Variants in NRG3 observed in about 807,000 individuals in gnomAD.
NRG3 encodes neuregulin 3.
A neutral mutation model predicts 66.9 loss-of-function variants in NRG3; 31 were observed. That is an observed-to-expected ratio of 0.46 (90% CI 0.35 to 0.63). The LOEUF (loss-of-function observed/expected upper bound fraction) is 0.63. Ranked by LOEUF, NRG3 falls within the 20% of genes least tolerant of loss-of-function variation. The pLI is 0.00. For synonymous variants in NRG3, 393 were observed against 359.4 expected (o/e 1.09, Z -1.06); for missense variants, 910 against 878.9 (o/e 1.04, Z -0.45).
chr10:82,297,516 C>G (rs1414762), intron 1 of NRG3, among the ~76,000 whole-genome samples: 38,858 of 151,920 alleles, frequency 0.26, 5,162 homozygotes, highest in Admixed American at 0.29. Context: ...ACTGGTTTCT[C>G]TGCTTAGTAG....
chr10:82,985,626 G>A lies in NRG3; in HGVS notation c.*21G>A, dbSNP rs1853379483. 6.3e-7 allele frequency: 1 copy of A among 1,589,786 alleles called. No individual in the cohort carries two copies. The highest frequency in any genetic ancestry group is 2.2e-5 in the East Asian group (1 of 44,698). On this transcript the variant is annotated 3_prime_UTR_variant, in exon 9 of 9. Coordinates refer to ENST00000372141, the MANE Select transcript of NRG3 (RefSeq NM_001010848.4). ...AGTGACTTGAGATGTAGGAATCTGT[G>A]CATTCTATGCTTTGCTCAACAGGAA...
intron 2 of NRG3, among the ~76,000 whole-genome samples, chr10:82,408,087 GAAAGAAAGAA>G (rs1207390809): frequency 1.0e-3 from 62 of 61,180 alleles, no homozygotes; most frequent in East Asian, 2.8e-3. Context: ...GAGAGAGACA[GAAAGAAAGAA>G]AGAAAGAAAG....
At chr10:82,392,898 A>ATTTTT (rs59861426) in intron 2 of NRG3, among the ~76,000 whole-genome samples, 118 of 150,212 alleles carry the variant, frequency 7.9e-4, no homozygotes, top group African/African-American at 2.4e-3. Context: ...ATATATATAT[A>ATTTTT]TTTTTTGCAG....
At chr10:81,903,028 G>A (rs984598784) in intron 1 of NRG3, among the ~76,000 whole-genome samples, 1 of 152,048 alleles carries the variant, frequency 6.6e-6, no homozygotes, top group Admixed American at 6.6e-5. Flanking sequence ...TGAAGTGAAC[G>A]ATAATTAAGT....
In NRG3 at chr10:82,869,616, ATTTTATTTTG is replaced by A. The variant is rs1453265826; in HGVS notation, c.1054+4180_1054+4189del. ...ATTTTATTTTATTTTATTTTATTTTATTTTATTTTGAGACAGAGTTTCGCTCTGTCACCCA... is the reference window on the plus strand; with the variant it reads ...ATTTTATTTTATTTTATTTTATTTTAAGACAGAGTTTCGCTCTGTCACCCA... On this transcript the variant is annotated intron_variant, in intron 4 of 8. Coordinates refer to ENST00000372141, the MANE Select transcript of NRG3 (RefSeq NM_001010848.4). 8.0e-4 allele frequency among the ~76,000 whole-genome samples: 113 copies of A among 141,706 alleles called. 1 individual carries two copies. Among genetic ancestry groups the A allele is most frequent in the African/African-American group, 2.1e-3 (77 of 36,898 alleles). 93.0% of individuals were successfully genotyped at this position (141,706 alleles called of 152,430 possible).
In NRG3 at chr10:81,875,424, T is replaced by TGCG. The variant is rs1229000315; in HGVS notation, c.93_95dup (p.Ala34dup). The TGCG allele has an allele frequency of 4.6e-6, 5 of 1,090,942 alleles. No individual in the cohort carries two copies. Among genetic ancestry groups the TGCG allele is most frequent in the Admixed American group, 5.3e-5 (1 of 18,878 alleles). The allele number at this position is 1,090,942 out of a possible 1,614,324, so 67.6% of individuals were successfully genotyped here. A position where few individuals can be genotyped will look rare whatever the true frequency, so the allele number is the denominator to read the frequency against. On this transcript the variant is annotated inframe_insertion, in exon 1 of 9. Transcript: ENST00000372141. This position sits in a 1 kb window ranked among gnomAD's most constrained non-coding sequence, Gnocchi z 5.3. ...CGGCCGAGGAGGGCACCGCGGCGGC[T>TGCG]GCGGCGGCGGCAGCGGCGGGCGGGG...
chr10:82,785,217 A>G lies in NRG3; in HGVS notation c.1027+46567A>G, dbSNP rs866219638. 3.2e-3 allele frequency among the ~76,000 whole-genome samples: 463 copies of G among 142,848 alleles called. 2 individuals are homozygous for G. In the Middle Eastern group the frequency reaches 0.061, roughly 19 times the overall value. The allele number at this position is 142,848 out of a possible 152,430, so 93.7% of individuals were successfully genotyped here. On this transcript the variant is annotated intron_variant, in intron 3 of 8. Coordinates refer to ENST00000372141, the MANE Select transcript of NRG3 (RefSeq NM_001010848.4). ...TGGGGGCTGTTGTGGGGTAGGGGGA[A>G]GGGGGAGGGATAGCATTAGGAGATA...
chr10:81,891,174 C>A (rs1330141289), intron 1 of NRG3, among the ~76,000 whole-genome samples: 1 of 152,096 alleles, frequency 6.6e-6, no homozygotes, highest in Non-Finnish European at 1.5e-5. Flanking sequence ...TGCTTTCATG[C>A]CAGGAAATTT....
At chr10:82,233,918 A>G (rs2076626744) in intron 1 of NRG3, among the ~76,000 whole-genome samples, 1 of 152,104 alleles carries the variant, frequency 6.6e-6, no homozygotes, top group Non-Finnish European at 1.5e-5. Flanking sequence ...TTCTGCTGCC[A>G]CTGCCACTAT....
At chr10:82,739,539 G>A (rs1399495841) in intron 3 of NRG3, among the ~76,000 whole-genome samples, 1 of 152,190 alleles carries the variant, frequency 6.6e-6, no homozygotes, top group African/African-American at 2.4e-5. Flanking sequence ...GCCTGTGTCT[G>A]TGCGTTTTGC....
chr10:82,555,526 G>A (rs2044591356), intron 2 of NRG3, among the ~76,000 whole-genome samples: 1 of 152,094 alleles, frequency 6.6e-6, no homozygotes, highest in African/African-American at 2.4e-5. Context: ...CTTGAGACAA[G>A]GGAAGACTTT....
chr10:82,034,357 A>G (rs1433440967), intron 1 of NRG3, among the ~76,000 whole-genome samples: 1 of 152,098 alleles, frequency 6.6e-6, no homozygotes, highest in Non-Finnish European at 1.5e-5. Flanking sequence ...CTGTATGTTC[A>G]AAACAGTGGA....
intron 1 of NRG3, among the ~76,000 whole-genome samples, chr10:82,182,441 TA>T (rs1373843323): frequency 6.6e-6 from 1 of 151,756 alleles, no homozygotes; most frequent in Non-Finnish European, 1.5e-5. Context: ...GGGGCTTACA[TA>T]ATCATATTAT....
At chr10:82,036,992 T>G (rs1040099771) in intron 1 of NRG3, among the ~76,000 whole-genome samples, 9 of 152,176 alleles carry the variant, frequency 5.9e-5, no homozygotes, top group African/African-American at 2.2e-4. Flanking sequence ...CTGTATGAAT[T>G]TGATTATAAT....
At chr10:82,279,529 C>A (rs184127956) in intron 1 of NRG3, among the ~76,000 whole-genome samples, 2 of 152,278 alleles carry the variant, frequency 1.3e-5, no homozygotes, top group African/African-American at 2.4e-5. Flanking sequence ...TTATACTTGT[C>A]AACTGATTTC....
At chr10:82,065,265 A>G (rs1157516857) in intron 1 of NRG3, among the ~76,000 whole-genome samples, 1 of 152,188 alleles carries the variant, frequency 6.6e-6, no homozygotes, top group Non-Finnish European at 1.5e-5. Context: ...TGTTATTAGA[A>G]TAAAAACACA....
chr10:82,170,203 C>T (rs1052789868), intron 1 of NRG3, among the ~76,000 whole-genome samples: 2 of 152,002 alleles, frequency 1.3e-5, no homozygotes, highest in African/African-American at 4.8e-5. Context: ...CCATCTGTTC[C>T]TGGCCTATGG....
At chr10:82,506,070 A>C (rs531568044) in intron 2 of NRG3, among the ~76,000 whole-genome samples, 1 of 151,854 alleles carries the variant, frequency 6.6e-6, no homozygotes, top group African/African-American at 2.4e-5. Context: ...ACACGGAAAA[A>C]CCCCTTCTCT....
chr10:82,052,091 GA>G (rs1457228575), intron 1 of NRG3, among the ~76,000 whole-genome samples: 3 of 149,778 alleles, frequency 2.0e-5, no homozygotes, highest in East Asian at 3.9e-4. Flanking sequence ...ATGACAGGCA[GA>G]ACTGTAATAG....
Sources: gnomAD v4.1 joint callset for allele counts (sites outside exome capture counted in the v4.1 genomes callset) on GRCh38, gnomAD v4.1.1 for gene constraint, Gnocchi (gnomAD v3.1) non-coding constraint, MANE v1.5 for transcripts, NCBI Gene and HGNC (gene_info 2026-07-23, HGNC 2026-07-21) for gene names.